ST8SIA6: variants seen among roughly 807,000 people sequenced by gnomAD.
ST8SIA6 encodes alpha-2,8-sialyltransferase 8F.
Under a neutral mutation model 33.6 loss-of-function variants are expected in ST8SIA6, and 39 were observed. The ratio of observed to expected loss-of-function variants is 1.16; its 90% CI spans 0.90 to 1.52. The LOEUF is 1.52. ST8SIA6 is among the 40% of genes most tolerant of loss of function. The probability of loss-of-function intolerance (pLI) is 0.00; values close to 1 mark genes in which losing one functional copy is unlikely to be tolerated. For missense variants in ST8SIA6, 441 were observed against 443.8 expected (o/e 0.99, Z 0.06); for synonymous variants, 172 against 167.2 (o/e 1.03, Z -0.22).
chr10:17,369,665 AATT>A (rs1441256610), intron 3 of ST8SIA6, among the ~76,000 whole-genome samples: 1 of 145,766 alleles, frequency 6.9e-6, no homozygotes, highest in Non-Finnish European at 1.5e-5. Context: ...TGAAGTTTTG[AATT>A]ATTATTGTTG....
intron 2 of ST8SIA6, among the ~76,000 whole-genome samples, chr10:17,405,902 A>AG (rs1350480282): frequency 6.6e-6 from 1 of 151,152 alleles, no homozygotes; most frequent in Non-Finnish European, 1.5e-5. Context: ...AAAAAAAAAA[A>AG]GAAGAAAGTT....
At chr10:17,441,243 G>T (rs1852479235) in intron 2 of ST8SIA6, among the ~76,000 whole-genome samples, 1 of 151,966 alleles carries the variant, frequency 6.6e-6, no homozygotes, top group Non-Finnish European at 1.5e-5. Context: ...TGTAGCTTTT[G>T]TCTGTGATCC....
chr10:17,440,086 G>A (rs1852419569), intron 2 of ST8SIA6, among the ~76,000 whole-genome samples: 1 of 152,154 alleles, frequency 6.6e-6, no homozygotes, highest in African/African-American at 2.4e-5. Context: ...CAGGATGACA[G>A]TGCCTACGGC....
At chr10:17,450,986 C>A (rs998782612) in intron 2 of ST8SIA6, among the ~76,000 whole-genome samples, 2 of 152,140 alleles carry the variant, frequency 1.3e-5, no homozygotes, top group Non-Finnish European at 2.9e-5. Flanking sequence ...ATTCTCCTGG[C>A]CTGGGTTTCA....
At chr10:17,356,067 T>C (rs919866115) in intron 4 of ST8SIA6, among the ~76,000 whole-genome samples, 2 of 152,238 alleles carry the variant, frequency 1.3e-5, no homozygotes, top group Non-Finnish European at 2.9e-5. Flanking sequence ...TGATATTCAA[T>C]CATAAATATT....
intron 2 of ST8SIA6, among the ~76,000 whole-genome samples, chr10:17,445,891 G>A (rs555708048): frequency 4.5e-4 from 68 of 152,204 alleles, no homozygotes; most frequent in Non-Finnish European, 7.5e-4. Flanking sequence ...TGGCAGCAGC[G>A]GCAGGTCAGG....
intron 2 of ST8SIA6, among the ~76,000 whole-genome samples, chr10:17,394,449 A>G (rs532802745): frequency 6.6e-6 from 1 of 152,024 alleles, no homozygotes; most frequent in Non-Finnish European, 1.5e-5. Flanking sequence ...GTCAGTAAAT[A>G]GATGTGTTCT....
Position 17,331,494 on chromosome 10 carries a change from T to G in ST8SIA6, c.436A>C (p.Thr146Pro). 5 of 1,613,312 alleles carry G rather than the reference T, an allele frequency of 3.1e-6. No individual in the cohort carries two copies. The highest frequency in any genetic ancestry group is 4.2e-6 in the Non-Finnish European group (5 of 1,179,772). The change falls in exon 5 of 8, where the codon ACT (threonine) becomes CCT (proline). Residue 146 changes from threonine to proline, a missense_variant. Physicochemically the swap from Thr to Pro is conservative, Grantham distance 38. Transcript: ENST00000377602. ...VQNFVVSQNN[T>P]PVGTNMSYEV... ...TAACTCATATTAGTCCCAACTGGAG[T>G]GTTATTCTGAGAAACAACAAAGTTT... is the stretch of plus-strand genomic sequence containing the variant.
intron 7 of ST8SIA6, among the ~76,000 whole-genome samples, chr10:17,322,826 A>T (rs1489849166): frequency 1.3e-5 from 2 of 152,226 alleles, no homozygotes; most frequent in African/African-American, 4.8e-5. Context: ...ATAAAGAAAT[A>T]AATATGTTCT....
chr10:17,412,378 C>A (rs1209583526), intron 2 of ST8SIA6, among the ~76,000 whole-genome samples: 5 of 152,164 alleles, frequency 3.3e-5, no homozygotes, highest in Non-Finnish European at 7.3e-5. Context: ...ATCAAAGGCA[C>A]TAAAGTTGGG....
At chr10:17,323,033 C>T (rs1339011969) in intron 7 of ST8SIA6, 32 bp downstream of exon 7, 2 of 1,562,718 alleles carry the variant, frequency 1.3e-6, no homozygotes, top group African/African-American at 2.7e-5. Context: ...AAAAAGTGTT[C>T]CTGATCAGTT....
intron 4 of ST8SIA6, among the ~76,000 whole-genome samples, chr10:17,358,819 C>A (rs1000038980): frequency 2.0e-5 from 3 of 151,966 alleles, no homozygotes; most frequent in African/African-American, 7.3e-5. Context: ...AGAAGCCCCG[C>A]CCCCCAAAAA....
chr10:17,408,610 C>T (rs1461897690), intron 2 of ST8SIA6, among the ~76,000 whole-genome samples: 1 of 150,878 alleles, frequency 6.6e-6, no homozygotes, highest in Non-Finnish European at 1.5e-5. Flanking sequence ...CAGTGAGCCG[C>T]GATGGTGCCA....
At chr10:17,374,207 G>T (rs1245698746) in intron 3 of ST8SIA6, among the ~76,000 whole-genome samples, 1 of 122,570 alleles carries the variant, frequency 8.2e-6, no homozygotes, top group African/African-American at 3.0e-5. Flanking sequence ...AACTGAGGGA[G>T]TTAAAAAAAA....
Position 17,323,235 on chromosome 10 carries a change from A to G in ST8SIA6, c.636-78T>C, listed in dbSNP as rs45476093. 4.4e-3 allele frequency: 1,935 copies of G among 443,956 alleles called. 2 individuals carry two copies. The highest frequency in any genetic ancestry group is 5.7e-3 in the Non-Finnish European group (1,511 of 264,924). 27.5% of individuals were successfully genotyped at this position (443,956 alleles called of 1,614,324 possible). The stretch of plus-strand genomic sequence containing the variant: ...TGTATACACACATATGCGCGCACAC[A>G]CACACACACACACACCTATCTATAA... On this transcript the variant is annotated intron_variant, in intron 6 of 7. Coordinates refer to ENST00000377602, the MANE Select transcript of ST8SIA6 (RefSeq NM_001004470.3).
chr10:17,420,173 G>A (rs1407397731), intron 2 of ST8SIA6, among the ~76,000 whole-genome samples: 10 of 152,236 alleles, frequency 6.6e-5, no homozygotes, highest in African/African-American at 1.4e-4. Context: ...CAGCACTTTC[G>A]GAGGCCGAGA....
intron 3 of ST8SIA6, among the ~76,000 whole-genome samples, chr10:17,367,194 A>G (rs993614059): frequency 6.6e-6 from 1 of 152,210 alleles, no homozygotes; most frequent in South Asian, 2.1e-4. Flanking sequence ...AAGACTGGGT[A>G]ATTCATAAAG....
At chr10:17,435,990 C>T (rs1267022177) in intron 2 of ST8SIA6, among the ~76,000 whole-genome samples, 1 of 152,134 alleles carries the variant, frequency 6.6e-6, no homozygotes, top group Admixed American at 6.5e-5. Flanking sequence ...CACATAGCAC[C>T]TGTTTCAAAA....
chr10:17,322,213 GAAAGAAAAGAAAGAAAGAA>G (rs1847979643), intron 7 of ST8SIA6, among the ~76,000 whole-genome samples: 1 of 133,190 alleles, frequency 7.5e-6, no homozygotes, highest in Non-Finnish European at 1.6e-5. Context: ...GAAAGAAAGA[GAAAGAAAAGAAAGAAAGAA>G]AAAGAAAGAG....
Sources: allele counts gnomAD v4.1 joint callset (sites outside exome capture counted in the v4.1 genomes callset), GRCh38; gene constraint gnomAD v4.1.1; transcripts MANE v1.5; gene names NCBI Gene and HGNC (gene_info 2026-07-23, HGNC 2026-07-21).